GLI3: variants seen among roughly 807,000 people sequenced by gnomAD.
GLI3 encodes the protein GLI family zinc finger 3.
A neutral mutation model predicts 100.8 loss-of-function variants in GLI3; 20 were observed. The ratio of observed to expected loss-of-function variants is 0.20; its 90% CI spans 0.14 to 0.29. GLI3 has a LOEUF of 0.29. Ranked by LOEUF, GLI3 falls within the 10% of genes least tolerant of loss-of-function variation. The pLI, the probability that GLI3 is intolerant of heterozygous loss-of-function variation, is 1.00. For missense variants in GLI3, 2,040 were observed against 2,128.5 expected (o/e 0.96, Z 0.82); for synonymous variants, 938 against 860.5 (o/e 1.09, Z -1.58).
chr7:41,971,509 G>A (rs571990337), intron 13 of GLI3, among the ~76,000 whole-genome samples: 3 of 152,202 alleles, frequency 2.0e-5, no homozygotes, highest in East Asian at 3.9e-4. Context: ...GCGAAGTCAC[G>A]AACTGAGGTT....
At chr7:42,144,511 A>G (rs1350580016) in intron 3 of GLI3, among the ~76,000 whole-genome samples, 3 of 152,130 alleles carry the variant, frequency 2.0e-5, no homozygotes, top group African/African-American at 7.2e-5. Flanking sequence ...GAATGTTTGA[A>G]GTGCCCGCTG....
intron 2 of GLI3, among the ~76,000 whole-genome samples, chr7:42,164,305 G>A (rs1292279624): frequency 6.6e-6 from 1 of 152,014 alleles, no homozygotes; most frequent in Admixed American, 6.5e-5. Flanking sequence ...CAGACTGCTT[G>A]AGCCCAGGAA....
At chr7:42,163,325 T>C (rs1787170737) in intron 2 of GLI3, among the ~76,000 whole-genome samples, 1 of 152,092 alleles carries the variant, frequency 6.6e-6, no homozygotes, top group African/African-American at 2.4e-5. Context: ...TAGCTGCCTC[T>C]CTCTGATTTG....
At chr7:42,253,792 G>C (rs754554207) in intron 1 of GLI3, among the ~76,000 whole-genome samples, 1 of 152,148 alleles carries the variant, frequency 6.6e-6, no homozygotes, top group African/African-American at 2.4e-5. Context: ...TGATTGTTAC[G>C]CTAAGATCCT....
Position 42,045,409 on chromosome 7 carries a change from G to A in GLI3, c.801C>T (p.His267=). 1 of 1,614,042 alleles carries A rather than the reference G, an allele frequency of 6.2e-7. No individual in the cohort carries two copies. The highest frequency in any genetic ancestry group is 8.5e-7 in the Non-Finnish European group (1 of 1,179,894). Reference sequence around the variant, plus strand: ...TATCCATAGCATGAAGATATTCCATGTGGATGGCCCCCGTGCCGGCGGTGG... The same window carrying A: ...TATCCATAGCATGAAGATATTCCATATGGATGGCCCCCGTGCCGGCGGTGG... The part of the protein sequence containing the change: ...SAATAGTGAI[H]MEYLHAMDST... Residue 267 remains histidine, a synonymous_variant, in exon 6 of 15, where the codon CAC becomes CAT. Transcript: ENST00000395925.
At chr7:42,072,934 T>G (rs10282353) in intron 4 of GLI3, among the ~76,000 whole-genome samples, 90,141 of 152,044 alleles carry the variant, frequency 0.59, 28,154 homozygotes, top group African/African-American at 0.79. Flanking sequence ...CAACATTCCA[T>G]TTGTTTATTG....
chr7:41,991,094 G>GA (rs1252736434), intron 10 of GLI3, among the ~76,000 whole-genome samples: 1 of 152,182 alleles, frequency 6.6e-6, no homozygotes, highest in Non-Finnish European at 1.5e-5. Flanking sequence ...GCTCAACACT[G>GA]AAAAGGCAAG....
chr7:42,048,429 C>G (rs1245732242), intron 5 of GLI3, 62 bp downstream of exon 5: 23 of 1,100,542 alleles, frequency 2.1e-5, no homozygotes, highest in Middle Eastern at 2.7e-4. Flanking sequence ...TATACACGTC[C>G]CGAGTGAGGA....
intron 3 of GLI3, among the ~76,000 whole-genome samples, chr7:42,105,672 C>T (rs1426842268): frequency 2.0e-5 from 3 of 152,170 alleles, no homozygotes; most frequent in African/African-American, 4.8e-5. Context: ...TCCACTTCAT[C>T]AAGCAAACAG....
chr7:42,211,235 G>A (rs1412260636), intron 2 of GLI3, among the ~76,000 whole-genome samples: 1 of 151,868 alleles, frequency 6.6e-6, no homozygotes, highest in Non-Finnish European at 1.5e-5. Flanking sequence ...TTTGTCAGAG[G>A]GCACATGTTT....
At chr7:42,105,068 T>C (rs538235592) in intron 3 of GLI3, among the ~76,000 whole-genome samples, 11 of 152,334 alleles carry the variant, frequency 7.2e-5, no homozygotes, top group African/African-American at 2.6e-4. Context: ...CACTGTGAAA[T>C]TGCCTTCATT....
intron 3 of GLI3, among the ~76,000 whole-genome samples, chr7:42,140,117 T>A (rs1786530683): frequency 6.6e-6 from 1 of 152,206 alleles, no homozygotes; most frequent in Non-Finnish European, 1.5e-5. Flanking sequence ...TTGCCTAGAT[T>A]ACTCTTTCCT....
intron 4 of GLI3, among the ~76,000 whole-genome samples, chr7:42,059,245 A>G (rs972983271): frequency 4.6e-5 from 7 of 152,020 alleles, no homozygotes; most frequent in Admixed American, 1.3e-4. Context: ...ATTTTAGCAG[A>G]CTTTTTTGTC....
At chr7:42,150,187 T>G (rs556538637) in intron 2 of GLI3, 13 of 152,260 alleles carry the variant, frequency 8.5e-5, no homozygotes, top group African/African-American at 2.9e-4. Flanking sequence ...GTTTAATCTA[T>G]CAAGTAAAAA....
At chr7:42,044,504 A>T (rs1227569614) in intron 6 of GLI3, among the ~76,000 whole-genome samples, 2 of 152,204 alleles carry the variant, frequency 1.3e-5, no homozygotes, top group Admixed American at 1.3e-4. Context: ...GGACCCCAAA[A>T]TAAGTGATAC....
In GLI3 at chr7:41,961,983, GAAAT is replaced by G. The variant is rs1332600366; in HGVS notation, c.*2343_*2346del. On this transcript the variant is annotated 3_prime_UTR_variant, in exon 15 of 15. Coordinates refer to ENST00000395925, the MANE Select transcript of GLI3 (RefSeq NM_000168.6). ...AGGAAAGCAAATATAAAAAAAAAAA[GAAAT>G]AAAAGAAGAATAGGGGAAACCCAGA... The G allele has an allele frequency of 6.6e-6, 1 of 151,348 alleles. No homozygotes were observed. The highest frequency in any genetic ancestry group is 1.5e-5 in the Non-Finnish European group (1 of 67,862). The allele number at this position is 151,348 out of a possible 1,614,324, so 9.4% of individuals were successfully genotyped here.
At chr7:42,045,084 CTA>C (rs1784217963) in intron 6 of GLI3, among the ~76,000 whole-genome samples, 2 of 152,126 alleles carry the variant, frequency 1.3e-5, no homozygotes, top group African/African-American at 2.4e-5. Flanking sequence ...ATAGATCTCG[CTA>C]TGTCACCTGG....
intron 12 of GLI3, among the ~76,000 whole-genome samples, chr7:41,973,211 A>G (rs1364588642): frequency 2.0e-5 from 3 of 152,192 alleles, no homozygotes; most frequent in Non-Finnish European, 4.4e-5. Context: ...TTTGGGTAGC[A>G]TTACAAGTGT....
At chr7:42,047,948 C>A (rs1011367730) in intron 5 of GLI3, among the ~76,000 whole-genome samples, 4 of 152,188 alleles carry the variant, frequency 2.6e-5, no homozygotes, top group African/African-American at 9.7e-5. Flanking sequence ...CCCACCTGAT[C>A]CCACCTGATG....
Sources: gnomAD v4.1 joint callset for allele counts (sites outside exome capture counted in the v4.1 genomes callset) on GRCh38, gnomAD v4.1.1 for gene constraint, MANE v1.5 for transcripts, NCBI Gene and HGNC (gene_info 2026-07-23, HGNC 2026-07-21) for gene names.